Variants in SPTBN5 observed in about 807,000 individuals in gnomAD.
The protein encoded by SPTBN5 is spectrin beta, non-erythrocytic 5, also known as spectrin beta chain, non-erythrocytic 5.
A neutral mutation model predicts 477.6 loss-of-function variants in SPTBN5; 513 were observed. The observed-to-expected ratio is 1.07, with a 90% CI of 1.00 to 1.16. The LOEUF (loss-of-function observed/expected upper bound fraction) is 1.16. Among genes scored for constraint, SPTBN5 ranks in the 50% most tolerant of loss-of-function variants. The pLI, the probability that SPTBN5 is intolerant of heterozygous loss-of-function variation, is 0.00. For synonymous variants in SPTBN5, 2,169 were observed against 2,011.7 expected (o/e 1.08, Z -2.09); for missense variants, 5,062 against 4,731.8 (o/e 1.07, Z -2.05).
chr15:41,863,751 C>T lies in SPTBN5; in HGVS notation c.7102G>A (p.Val2368Met), dbSNP rs369233042. The change falls in exon 41 of 68, where the codon GTG becomes ATG. Residue 2368 changes from valine (V) to methionine (M), a missense_variant. By Grantham distance (21) the Val-to-Met change is conservative. Coordinates refer to ENST00000320955, the MANE Select transcript of SPTBN5 (RefSeq NM_016642.4). ...ACATTGTCCAGCTCTCGGGACAACA[C>T]GTGTATCTCCAAGGCCCCTTCGAGC... ...QQLEGALEIH[V>M]LSRELDNVTK... The T allele has an allele frequency of 5.6e-5, 91 of 1,613,596 alleles. No individual in the cohort carries two copies. The highest frequency in any genetic ancestry group is 6.8e-5 in the Non-Finnish European group (80 of 1,179,882).
In SPTBN5 at chr15:41,851,362, G is replaced by T; in HGVS notation, c.10664C>A (p.Ser3555Ter). ...HLLPGGRQPSSSSWDSCRGNL... is the reference protein window; with the variant it reads ...HLLPGGRQPS ...CCCGCGGCAGCTGTCCCAGGAGCTC[G>T]AGCTAGGCTGTGGAGAGGAGGCGGG... The change falls in exon 64 of 68, where the codon TCG becomes TAG. Residue 3555 changes from serine to a stop codon, truncating the protein, a stop_gained. Coordinates refer to ENST00000320955, the MANE Select transcript of SPTBN5 (RefSeq NM_016642.4). LOFTEE classifies it high-confidence loss of function. 1 of 1,550,768 alleles carries T rather than the reference G, an allele frequency of 6.4e-7. No individual in the cohort carries two copies. Among genetic ancestry groups the T allele is most frequent in the Non-Finnish European group, 8.7e-7 (1 of 1,146,908 alleles).
At chr15:41,866,934 C>A in intron 36 of SPTBN5, 25 bp downstream of exon 36, 1 of 1,555,034 alleles carries the variant, frequency 6.4e-7, no homozygotes, top group Non-Finnish European at 8.7e-7. Flanking sequence ...CAGTGGAAGG[C>A]CCTGGGCTGG....
chr15:41,876,720 C>A (rs2066746746), intron 19 of SPTBN5, 73 bp from the exon 20 acceptor site: 3 of 1,602,030 alleles, frequency 1.9e-6, no homozygotes, highest in Admixed American at 1.7e-5. Context: ...CACTCTCCCC[C>A]ACCCCCTACT....
At chr15:41,853,105 G>A (rs1211134657) in intron 59 of SPTBN5, 105 bp from the exon 60 acceptor site, 1 of 1,431,704 alleles carries the variant, frequency 7.0e-7, no homozygotes, top group Non-Finnish European at 9.3e-7. Flanking sequence ...AGGGAAGGCT[G>A]TGAGACCCGC....
intron 60 of SPTBN5, 32 bp from the exon 61 acceptor site, chr15:41,852,767 C>CT (rs1567181230): frequency 6.8e-6 from 10 of 1,465,530 alleles, no homozygotes; most frequent in East Asian, 4.5e-5. Context: ...TGACGCCCAG[C>CT]TTGGGGGGGG....
chr15:41,867,055 C>T lies in SPTBN5; in HGVS notation c.6384G>A (p.Leu2128=). 1.9e-6 allele frequency: 3 copies of T among 1,551,350 alleles called. No homozygotes were observed. The highest frequency in any genetic ancestry group is 1.7e-6 in the Non-Finnish European group (2 of 1,148,428). ...GCTCCTTCACTCTCATCCGGCGCTG[C>T]AGCAGGATGGGAAGCCGGTCCCGCA... The part of the protein sequence containing the change: ...PRVRDRLPIL[L]QRRMRVKELA... Residue 2128 remains leucine, a synonymous_variant, in exon 36 of 68, where the codon CTG becomes CTA. Transcript: ENST00000320955.
rs776970169 is a variant in SPTBN5 at position 41,879,022 on chromosome 15, C to T, written c.3182+238G>A. 1.3e-4 allele frequency among the ~76,000 whole-genome samples: 20 copies of T among 152,296 alleles called. 1 individual carries two copies. The South Asian group carries it at 2.5e-3, about 19-fold the overall frequency. On this transcript the variant is annotated intron_variant, in intron 16 of 67. Transcript: ENST00000320955. ...CTGAGCTTCCAGTGAGCCGAGATCA[C>T]GCCACTGCACTCAGCCCGGGCGACA...
Position 41,857,010 on chromosome 15 carries a change from T to A in SPTBN5, c.8651A>T (p.Glu2884Val), listed in dbSNP as rs370963206. The A allele has an allele frequency of 3.1e-5, 49 of 1,605,374 alleles. No individual in the cohort carries two copies. Among genetic ancestry groups the A allele is most frequent in the Non-Finnish European group, 4.0e-5 (47 of 1,176,766 alleles). Reference sequence around the variant, plus strand: ...CCGGGCCTCCAGGGCCGTCCTGCGCTCCTGCAGGGGCTCCCTCAGGCTCTT... The same window carrying A: ...CCGGGCCTCCAGGGCCGTCCTGCGCACCTGCAGGGGCTCCCTCAGGCTCTT... ...RFKSLREPLQ[E>V]RRTALEARSL... Residue 2884 changes from glutamate to valine, a missense_variant, in exon 52 of 68, where the codon GAG (glutamate) becomes GTG (valine). Physicochemically the swap from Glu to Val is moderately radical, Grantham distance 121. Transcript: ENST00000320955.
At chr15:41,873,676 C>T in intron 25 of SPTBN5, 68 bp from the exon 26 acceptor site, 1 of 1,461,664 alleles carries the variant, frequency 6.8e-7, no homozygotes, top group Non-Finnish European at 9.3e-7. Flanking sequence ...CTGGAGACAT[C>T]TGCCCCTGCT....
In SPTBN5 at chr15:41,874,277, G is replaced by A. The variant is rs12593435; in HGVS notation, c.4689+15C>T. ...GCGGATGTCGGTAATCCTGTAGGAA[G>A]AAGAGGGCTATTACCTTGTGCTTGC... On this transcript the variant is annotated intron_variant, in intron 24 of 67. Transcript: ENST00000320955. 214,991 of 1,597,422 alleles carry A rather than the reference G, an allele frequency of 0.13. 18,877 individuals carry two copies. Among genetic ancestry groups the A allele is most frequent in the East Asian group, 0.53 (23,412 of 44,588 alleles).
Position 41,882,628 on chromosome 15 carries a change from C to A in SPTBN5, c.2003G>T (p.Gly668Val). The A allele has an allele frequency of 6.2e-7, 1 of 1,607,036 alleles. No homozygotes were observed. The highest frequency in any genetic ancestry group is 1.1e-5 in the South Asian group (1 of 89,612). Reference sequence around the variant, plus strand: ...GCCTGCGATCTGGCTGAGATCCCGGCCCAGGGCCGCATTCCCCACCCGCTG... The same window carrying A: ...GCCTGCGATCTGGCTGAGATCCCGGACCAGGGCCGCATTCCCCACCCGCTG... Reference protein sequence around the residue: ...CGQRVGNAALGRDLSQIAGAL... With the variant: ...CGQRVGNAALVRDLSQIAGAL... The change falls in exon 10 of 68, where the codon GGC (glycine) becomes GTC (valine). Residue 668 changes from glycine to valine, a missense_variant. Physicochemically the swap from Gly to Val is moderately radical, Grantham distance 109 (BLOSUM62 -3). Transcript: ENST00000320955.
At chr15:41,891,345 G>C (rs919560341) in intron 3 of SPTBN5, among the ~76,000 whole-genome samples, 4 of 152,190 alleles carry the variant, frequency 2.6e-5, no homozygotes, top group Non-Finnish European at 5.9e-5. Context: ...TGTCCCCCTA[G>C]GTAAACTTTG....
chr15:41,893,038 C>A lies in SPTBN5; in HGVS notation c.240G>T (p.Leu80=), dbSNP rs756540970. 1 of 1,611,604 alleles carries A rather than the reference C, an allele frequency of 6.2e-7. No individual in the cohort carries two copies. Among genetic ancestry groups the A allele is most frequent in the East Asian group, 2.2e-5 (1 of 44,884 alleles). ...CGQAGIKIRN[L]YTELADGIHL... is the part of the protein sequence containing the mutation. Reference sequence around the variant, plus strand: ...GGATGCCGTCAGCCAGCTCTGTGTACAGGTTCCGGATCTTGATGCCCGCCT... The same window carrying A: ...GGATGCCGTCAGCCAGCTCTGTGTAAAGGTTCCGGATCTTGATGCCCGCCT... The change falls in exon 3 of 68, where the codon CTG becomes CTT. Residue 80 remains leucine, a synonymous_variant. Coordinates refer to ENST00000320955, the MANE Select transcript of SPTBN5 (RefSeq NM_016642.4).
chr15:41,881,854 G>A (rs960648268), intron 12 of SPTBN5, 82 bp downstream of exon 12: 4 of 1,335,178 alleles, frequency 3.0e-6, no homozygotes, highest in Non-Finnish European at 9.9e-7. Flanking sequence ...GGCCACAAAG[G>A]CCCTCCCATT....
chr15:41,871,782 C>G lies in SPTBN5; in HGVS notation c.5301G>C (p.Leu1767=). The G allele has an allele frequency of 6.3e-7, 1 of 1,582,058 alleles. No individual in the cohort carries two copies. The highest frequency in any genetic ancestry group is 8.6e-7 in the Non-Finnish European group (1 of 1,163,706). Residue 1767 remains leucine, a splice_region_variant and synonymous_variant, in exon 28 of 68, where the codon CTG becomes CTC. Transcript: ENST00000320955. ...TCCTTGACCCTGGCCCTCTTCTCACCAGGGCGTGCTCGGGGTCCTCTCCCA... is the reference window on the plus strand; with the variant it reads ...TCCTTGACCCTGGCCCTCTTCTCACGAGGGCGTGCTCGGGGTCCTCTCCCA... ...ESLGEDPEHA[L]HLCTKFAKFQ...
Position 41,881,210 on chromosome 15 carries a change from C to T in SPTBN5, c.2482G>A (p.Gly828Arg). 6.2e-7 allele frequency: 1 copy of T among 1,611,518 alleles called. No individual in the cohort carries two copies. ...FTVNSALSPP[G>R]ESLRNPGPWS... ...GGCCCTGGGTTCCTCAGGCTTTCTC[C>T]TGGAGGGCTCAGGGCAGAGTTCACC... The change falls in exon 13 of 68, where the codon GGA becomes AGA. Residue 828 changes from glycine (G) to arginine (R), a missense_variant. Coordinates refer to ENST00000320955, the MANE Select transcript of SPTBN5 (RefSeq NM_016642.4).
Position 41,861,711 on chromosome 15 carries a change from G to A in SPTBN5, c.7737+24C>T, listed in dbSNP as rs1275796150. 2.0e-6 allele frequency: 3 copies of A among 1,527,906 alleles called. No homozygotes were observed. The South Asian group carries it at 3.6e-5, about 19-fold the overall frequency. 94.6% of individuals were successfully genotyped at this position (1,527,906 alleles called of 1,614,324 possible). A position where few individuals can be genotyped will look rare whatever the true frequency, so the allele number is the denominator to read the frequency against. On this transcript the variant is annotated intron_variant, in intron 45 of 67. Coordinates refer to ENST00000320955, the MANE Select transcript of SPTBN5 (RefSeq NM_016642.4). ...GCCCTGTTCGGGGGGGCAAGATGCA[G>A]GCTGGGGATGGGACTGTGCCTGCCT...
chr15:41,864,516 G>GT (rs1567198144), intron 39 of SPTBN5, among the ~76,000 whole-genome samples: 2 of 152,208 alleles, frequency 1.3e-5, no homozygotes, highest in Non-Finnish European at 2.9e-5. Flanking sequence ...GTTTCACCAT[G>GT]TTGGCCAGGC....
At chr15:41,853,544 G>A in intron 58 of SPTBN5, 38 bp downstream of exon 58, 1 of 1,551,592 alleles carries the variant, frequency 6.4e-7, no homozygotes, top group East Asian at 2.3e-5. Flanking sequence ...CCACCCCACA[G>A]GGTAGAGCTG....
Sources: allele counts gnomAD v4.1 joint callset (sites outside exome capture counted in the v4.1 genomes callset), GRCh38; gene constraint gnomAD v4.1.1; transcripts MANE v1.5; gene names NCBI Gene and HGNC (gene_info 2026-07-23, HGNC 2026-07-21).